CACNA2D3: variants seen among roughly 807,000 people sequenced by gnomAD.
CACNA2D3 encodes the protein calcium voltage-gated channel auxiliary subunit alpha2delta 3, also known as voltage-dependent calcium channel subunit alpha-2/delta-3.
In CACNA2D3, 60 loss-of-function variants were observed where a neutral mutation model predicts 160.6. The observed-to-expected ratio is 0.37, with a 90% CI of 0.30 to 0.46. CACNA2D3 has a LOEUF of 0.46. Ranked by LOEUF, CACNA2D3 falls within the 20% of genes least tolerant of loss-of-function variation. CACNA2D3 has a pLI of 1.00. For synonymous variants in CACNA2D3, 558 were observed against 492.9 expected, an observed-to-expected ratio of 1.13 and a Z score of -1.75; for missense variants, 1,205 against 1,365.0, an observed-to-expected ratio of 0.88 and a Z score of 1.85.
Position 54,255,803 on chromosome 3 carries a change from G to T in CACNA2D3, c.205-64639G>T, listed in dbSNP as rs537447611. Among the ~76,000 whole-genome samples the T allele has an allele frequency of 4.0e-3, 604 of 151,956 alleles. 7 individuals carry two copies. Among genetic ancestry groups the T allele is most frequent in the Non-Finnish European group, 4.1e-3 (276 of 67,984 alleles). On this transcript the variant is annotated intron_variant, in intron 2 of 37. Coordinates refer to ENST00000474759, the MANE Select transcript of CACNA2D3 (RefSeq NM_018398.3). ...TTTACCTCTACTGCCACGTACTCTG[G>T]GAATCTCTCAAATCATCTCAAATGT...
At chr3:54,339,389 C>A (rs1235292391) in intron 3 of CACNA2D3, among the ~76,000 whole-genome samples, 1 of 152,166 alleles carries the variant, frequency 6.6e-6, no homozygotes, top group Non-Finnish European at 1.5e-5. Context: ...ACCCCAAATA[C>A]CCCCTTCACC....
intron 11 of CACNA2D3, among the ~76,000 whole-genome samples, chr3:54,724,542 A>G (rs992197122): frequency 2.0e-5 from 3 of 152,200 alleles, no homozygotes; most frequent in African/African-American, 7.2e-5. Context: ...AGAAAATGCA[A>G]AAGAATGGAA....
chr3:54,655,596 C>T (rs1274000798), intron 11 of CACNA2D3, among the ~76,000 whole-genome samples: 1 of 152,188 alleles, frequency 6.6e-6, no homozygotes, highest in African/African-American at 2.4e-5. Flanking sequence ...ATTTCCAAAA[C>T]ATACCCAGGT....
Position 54,293,897 on chromosome 3 carries a change from C to G in CACNA2D3, c.205-26545C>G, listed in dbSNP as rs539082288. On this transcript the variant is annotated intron_variant, in intron 2 of 37. Coordinates refer to ENST00000474759, the MANE Select transcript of CACNA2D3 (RefSeq NM_018398.3). ...GGTGGTTACACAACTCTGCATTTAT[C>G]AAAACAAATAAAATTGCACACCCAA... is the stretch of plus-strand genomic sequence containing the variant. Among the ~76,000 whole-genome samples, 10 of 152,122 alleles carry G rather than the reference C, an allele frequency of 6.6e-5. No individual in the cohort carries two copies. The South Asian group carries it at 2.1e-3, about 32-fold the overall frequency.
At chr3:54,204,822 A>T (rs1205611252) in intron 2 of CACNA2D3, among the ~76,000 whole-genome samples, 2 of 146,742 alleles carry the variant, frequency 1.4e-5, no homozygotes, top group Admixed American at 1.4e-4. Context: ...AAAAAAAAAG[A>T]AAAAGCAAAA....
At chr3:54,484,144 C>T (rs1486882214) in intron 4 of CACNA2D3, among the ~76,000 whole-genome samples, 1 of 152,184 alleles carries the variant, frequency 6.6e-6, no homozygotes, top group Non-Finnish European at 1.5e-5. Context: ...GTACTCCCAG[C>T]ATATCACCCT....
chr3:54,719,506 A>G (rs1177023341), intron 11 of CACNA2D3, among the ~76,000 whole-genome samples: 1 of 151,966 alleles, frequency 6.6e-6, no homozygotes, highest in Non-Finnish European at 1.5e-5. Context: ...TATAAATTCA[A>G]CTTTGTCATA....
intron 11 of CACNA2D3, among the ~76,000 whole-genome samples, chr3:54,670,412 G>C (rs887681875): frequency 3.7e-4 from 57 of 152,284 alleles, no homozygotes; most frequent in African/African-American, 1.4e-3. Context: ...GAGAAGCTTT[G>C]CGGAGATGGG....
At chr3:54,894,731 G>C (rs928541084) in intron 25 of CACNA2D3, 3 of 460,748 alleles carry the variant, frequency 6.5e-6, no homozygotes, top group South Asian at 4.6e-5. Context: ...CACCGTCCAG[G>C]TCAGGTTTAT....
intron 5 of CACNA2D3, 133 bp from the exon 6 acceptor site, chr3:54,562,667 C>A: frequency 1.4e-6 from 1 of 710,598 alleles, no homozygotes; most frequent in Non-Finnish European, 2.3e-6. Context: ...GTTTTTGTGG[C>A]TATAACTTCC....
chr3:54,179,551 T>A lies in CACNA2D3; in HGVS notation c.204+55957T>A, dbSNP rs541566239. Among the ~76,000 whole-genome samples the A allele has an allele frequency of 1.1e-4, 16 of 152,338 alleles. No homozygotes were observed. In the South Asian group the frequency reaches 3.3e-3, roughly 32 times the overall value. On this transcript the variant is annotated intron_variant, in intron 2 of 37. Transcript: ENST00000474759. ...GGAATTTTGCTGGGATTCCCTGCGA[T>A]GGACTGAATGCTTATGTTCCCTCAA...
intron 27 of CACNA2D3, among the ~76,000 whole-genome samples, chr3:54,963,608 C>T (rs11130440): frequency 0.37 from 56,245 of 152,072 alleles, 12,900 homozygotes; most frequent in East Asian, 0.56. Flanking sequence ...GCTGCCTGTC[C>T]CTAGATTCAA....
chr3:54,287,551 G>C (rs1269225518), intron 2 of CACNA2D3, among the ~76,000 whole-genome samples: 15 of 146,740 alleles, frequency 1.0e-4, no homozygotes, highest in Non-Finnish European at 1.5e-5. Context: ...CCCAGGAATT[G>C]AACTCAGCTC....
intron 2 of CACNA2D3, among the ~76,000 whole-genome samples, chr3:54,196,214 A>G (rs1351584133): frequency 2.6e-5 from 4 of 152,178 alleles, no homozygotes; most frequent in Admixed American, 6.5e-5. Context: ...TCTCTTTTAT[A>G]TTATAGGTTG....
At chr3:54,795,613 T>C (rs1159429980) in intron 13 of CACNA2D3, among the ~76,000 whole-genome samples, 2 of 152,202 alleles carry the variant, frequency 1.3e-5, no homozygotes, top group African/African-American at 4.8e-5. Flanking sequence ...TAGGTGGGTA[T>C]GGCATATCTT....
chr3:54,800,918 C>T (rs1192908801), intron 13 of CACNA2D3, among the ~76,000 whole-genome samples: 1 of 152,084 alleles, frequency 6.6e-6, no homozygotes, highest in Non-Finnish European at 1.5e-5. Context: ...ATTCTCTATG[C>T]CTTTAACTCA....
chr3:54,247,521 A>G (rs927271783), intron 2 of CACNA2D3, among the ~76,000 whole-genome samples: 1 of 152,230 alleles, frequency 6.6e-6, no homozygotes, highest in African/African-American at 2.4e-5. Context: ...AAGAGCAAAT[A>G]AACACAACAG....
intron 15 of CACNA2D3, among the ~76,000 whole-genome samples, chr3:54,838,106 G>A (rs1430680892): frequency 4.6e-5 from 7 of 152,120 alleles, no homozygotes; most frequent in African/African-American, 1.7e-4. Context: ...AAAAGTGTTA[G>A]GGTTATTATA....
At chr3:54,537,880 G>T (rs182546224) in intron 5 of CACNA2D3, among the ~76,000 whole-genome samples, 2 of 152,146 alleles carry the variant, frequency 1.3e-5, no homozygotes, top group African/African-American at 4.8e-5. Context: ...TTCTGGCCCC[G>T]ACTTGTACCT....
Sources: allele counts gnomAD v4.1 joint callset (sites outside exome capture counted in the v4.1 genomes callset), GRCh38; gene constraint gnomAD v4.1.1; transcripts MANE v1.5; gene names NCBI Gene and HGNC (gene_info 2026-07-23, HGNC 2026-07-21).